The following PTPRG variants were observed in gnomAD, a reference collection of about 807,000 sequenced individuals.
The protein encoded by PTPRG is receptor-type tyrosine-protein phosphatase gamma.
PTPRG carries 102 observed loss-of-function variants against 165.3 expected under a neutral mutation model. The observed-to-expected ratio is 0.62, with a 90% CI of 0.53 to 0.73. The LOEUF (loss-of-function observed/expected upper bound fraction) is 0.73, where lower values mean the gene tolerates loss of function less well. Ranked by LOEUF, PTPRG falls within the 30% of genes least tolerant of loss-of-function variation. PTPRG has a pLI of 0.00. For synonymous variants in PTPRG, 675 were observed against 669.5 expected (o/e 1.01, Z -0.13); for missense variants, 1,866 against 1,861.4 (o/e 1.00, Z -0.05).
At chr3:62,142,966 G>A (rs1201299023) in intron 6 of PTPRG, among the ~76,000 whole-genome samples, 5 of 152,142 alleles carry the variant, frequency 3.3e-5, no homozygotes, top group Admixed American at 1.3e-4. Context: ...AGTCAGAGGC[G>A]GGGCGACTTG....
chr3:62,136,407 G>T (rs1365509070), intron 6 of PTPRG, among the ~76,000 whole-genome samples: 1 of 152,180 alleles, frequency 6.6e-6, no homozygotes, highest in East Asian at 1.9e-4. Context: ...ACAGAGAAGG[G>T]ATGCAGGCAG....
rs369118908 is a variant in PTPRG at position 62,176,098 on chromosome 3, G to A, written c.1033+7935G>A. The stretch of plus-strand genomic sequence containing the variant: ...CTTATTGTTCTGGCTGTTATGTGGC[G>A]AATGCTTGCAGAGGACTTGCACTGG... On this transcript the variant is annotated intron_variant, in intron 8 of 29. Transcript: ENST00000474889. Among the ~76,000 whole-genome samples, 28 of 152,274 alleles carry A rather than the reference G, an allele frequency of 1.8e-4. No individual in the cohort carries two copies. The East Asian group carries it at 2.7e-3, about 15-fold the overall frequency.
At position 62,245,810 on chromosome 3, in the gene PTPRG, C is replaced by A. The variant is rs1163192100; in HGVS notation, c.2467+1912C>A. ...TCATGGAGAGAGAGCATTTGCATGA[C>A]TCTCATGTTAAAATTGTGTCCCTGA... On this transcript the variant is annotated intron_variant, in intron 15 of 29. Transcript: ENST00000474889. This position sits in a 1 kb window ranked among gnomAD's most constrained non-coding sequence, Gnocchi z 4.2. 6.6e-6 allele frequency among the ~76,000 whole-genome samples: 1 copy of A among 152,050 alleles called. No homozygotes were observed. The highest frequency in any genetic ancestry group is 1.5e-5 in the Non-Finnish European group (1 of 68,002).
intron 1 of PTPRG, among the ~76,000 whole-genome samples, chr3:61,740,767 T>C (rs925079288): frequency 3.3e-5 from 5 of 152,208 alleles, no homozygotes; most frequent in African/African-American, 4.8e-5. Context: ...CATGGCTCTA[T>C]ATTAGGTCTC....
rs145231570 is a variant in PTPRG, at chr3:61,999,382, A to C, written c.371-3967A>C. Among the ~76,000 whole-genome samples, 98 of 152,210 alleles carry C rather than the reference A, an allele frequency of 6.4e-4. 1 individual carries two copies. The highest frequency in any genetic ancestry group is 2.3e-3 in the African/African-American group (97 of 41,514). On this transcript the variant is annotated intron_variant, in intron 3 of 29. Transcript: ENST00000474889. ...GTTTTGAAGTGCACTAATCCCATTC[A>C]CGAGGGTTCCACCCTCATGGCCTAA...
intron 5 of PTPRG, among the ~76,000 whole-genome samples, chr3:62,082,599 C>G (rs1353924719): frequency 6.6e-6 from 1 of 152,196 alleles, no homozygotes; most frequent in Non-Finnish European, 1.5e-5. Context: ...ATCAAGCAGT[C>G]TTATTCATGT....
chr3:62,010,826 C>T (rs1267380928), intron 4 of PTPRG, among the ~76,000 whole-genome samples: 1 of 147,768 alleles, frequency 6.8e-6, no homozygotes, highest in Non-Finnish European at 1.5e-5. Context: ...AACAGTTTTT[C>T]CCCCGTGTTG....
chr3:61,661,330 T>A lies in PTPRG; in HGVS notation c.86-87548T>A, dbSNP rs199732056. Among the ~76,000 whole-genome samples, 66 of 150,874 alleles carry A rather than the reference T, an allele frequency of 4.4e-4. 4 individuals carry two copies. In the South Asian group the frequency reaches 0.014, roughly 31 times the overall value. The stretch of plus-strand genomic sequence containing the variant: ...TTTTATAAAAGTTTCCTTTTTTTTT[T>A]TTAAATTTTTAAGAGAGAAGTGATT... On this transcript the variant is annotated intron_variant, in intron 1 of 29. Transcript: ENST00000474889.
intron 2 of PTPRG, among the ~76,000 whole-genome samples, chr3:61,919,563 A>C (rs79204932): frequency 1.3e-5 from 2 of 152,136 alleles, no homozygotes; most frequent in African/African-American, 4.8e-5. Context: ...GTCACAATCC[A>C]GTAGGGGTCA....
At chr3:62,052,736 C>G in intron 4 of PTPRG, among the ~76,000 whole-genome samples, 1 of 152,028 alleles carries the variant, frequency 6.6e-6, no homozygotes, top group Non-Finnish European at 1.5e-5. Flanking sequence ...CTTTGGAACT[C>G]TCTTGCTCAC....
At chr3:61,881,231 T>G (rs1320737946) in intron 2 of PTPRG, among the ~76,000 whole-genome samples, 2 of 152,244 alleles carry the variant, frequency 1.3e-5, no homozygotes, top group Non-Finnish European at 2.9e-5. Context: ...TCTGTGCTTG[T>G]AAAGTCATGA....
chr3:61,616,007 G>A (rs1701287349), intron 1 of PTPRG, among the ~76,000 whole-genome samples: 2 of 152,324 alleles, frequency 1.3e-5, no homozygotes, highest in East Asian at 3.9e-4. Flanking sequence ...CTGGAGTGCA[G>A]TGGCACAATC....
intron 2 of PTPRG, among the ~76,000 whole-genome samples, chr3:61,843,402 G>A (rs1402395653): frequency 1.3e-5 from 2 of 151,990 alleles, no homozygotes. Context: ...CATAGAAACA[G>A]ACCCATGTAC....
At chr3:61,657,095 CTG>C (rs751137513) in intron 1 of PTPRG, among the ~76,000 whole-genome samples, 4 of 152,140 alleles carry the variant, frequency 2.6e-5, no homozygotes, top group Admixed American at 6.6e-5. Context: ...ACGGGGAAAA[CTG>C]TATTTTTATG....
In PTPRG at chr3:61,618,598, A is replaced by G. The variant is rs567723517; in HGVS notation, c.85+56226A>G. On this transcript the variant is annotated intron_variant, in intron 1 of 29. Coordinates refer to ENST00000474889, the MANE Select transcript of PTPRG (RefSeq NM_002841.4). ...AAGTTTAGCAGTGGATGTCGAGGGG[A>G]AAAAAACGGTAACCTCTTTCTTTCC... Among the ~76,000 whole-genome samples the G allele has an allele frequency of 3.5e-4, 53 of 152,230 alleles. No individual in the cohort carries two copies. The South Asian group carries it at 0.011, about 32-fold the overall frequency.
intron 2 of PTPRG, among the ~76,000 whole-genome samples, chr3:61,890,372 T>G (rs2038175420): frequency 6.6e-6 from 1 of 151,452 alleles, no homozygotes; most frequent in African/African-American, 2.4e-5. Context: ...CGATGGTCAG[T>G]GGAAGTATTT....
At chr3:61,818,593 G>A (rs2035859672) in intron 2 of PTPRG, among the ~76,000 whole-genome samples, 1 of 152,118 alleles carries the variant, frequency 6.6e-6, no homozygotes, top group South Asian at 2.1e-4. Context: ...GAGCCTGGGA[G>A]TTTGAGATAG....
intron 2 of PTPRG, among the ~76,000 whole-genome samples, chr3:61,906,034 A>C (rs1054352777): frequency 1.3e-5 from 2 of 152,176 alleles, no homozygotes; most frequent in African/African-American, 4.8e-5. Flanking sequence ...GGAGTTTTAT[A>C]TTTTAGGTTT....
chr3:61,703,521 G>T (rs1483126775), intron 1 of PTPRG, among the ~76,000 whole-genome samples: 1 of 152,160 alleles, frequency 6.6e-6, no homozygotes, highest in Non-Finnish European at 1.5e-5. Flanking sequence ...CATTCCACAG[G>T]GCTGGGGGAG....
Sources: allele counts gnomAD v4.1 joint callset (sites outside exome capture counted in the v4.1 genomes callset), GRCh38; gene constraint gnomAD v4.1.1; non-coding constraint Gnocchi (gnomAD v3.1); transcripts MANE v1.5; gene names NCBI Gene and HGNC (gene_info 2026-07-23, HGNC 2026-07-21).